The following TPD52 variants were observed in gnomAD, a reference collection of about 807,000 sequenced individuals.
TPD52 encodes tumor protein D52, also known as prostate and colon associated protein.
TPD52 carries 17 observed loss-of-function variants against 31.3 expected under a neutral mutation model. The observed-to-expected ratio is 0.54, with a 90% confidence interval of 0.37 to 0.82. TPD52 has a LOEUF of 0.82. Ranked by LOEUF, TPD52 falls within the 40% of genes least tolerant of loss-of-function variation. TPD52 has a pLI of 0.00. For missense variants in TPD52, 212 were observed against 240.1 expected (o/e 0.88, Z 0.77); for synonymous variants, 83 against 89.6 (o/e 0.93, Z 0.42).
chr8:80,135,692 T>C lies in TPD52; in HGVS notation c.19+35733A>G, dbSNP rs368861961. 4.0e-5 allele frequency among the ~76,000 whole-genome samples: 6 copies of C among 150,184 alleles called. No individual in the cohort carries two copies. In the East Asian group the frequency reaches 5.9e-4, roughly 15 times the overall value. ...AAAGACACATGCACACGTATGTTTA[T>C]TGCGGCATTATTCACAATAGTAAAG... On this transcript the variant is annotated intron_variant, in intron 1 of 7. Transcript: ENST00000518937.
chr8:80,099,700 G>A (rs189505178), intron 1 of TPD52, among the ~76,000 whole-genome samples: 4 of 152,094 alleles, frequency 2.6e-5, no homozygotes, highest in African/African-American at 4.8e-5. Context: ...TAGTAGAGAC[G>A]GGGTTTTACC....
chr8:80,086,665 A>G (rs1033351707), intron 1 of TPD52, among the ~76,000 whole-genome samples: 21 of 151,892 alleles, frequency 1.4e-4, no homozygotes, highest in South Asian at 6.2e-4. Context: ...CCTGACATCA[A>G]GAGTTCGAGA....
chr8:80,131,074 G>T (rs951531736), intron 1 of TPD52, among the ~76,000 whole-genome samples: 3 of 152,128 alleles, frequency 2.0e-5, no homozygotes, highest in African/African-American at 2.4e-5. Flanking sequence ...TTAGCTTCAG[G>T]AGTCAGTGAC....
intron 1 of TPD52, among the ~76,000 whole-genome samples, chr8:80,146,582 C>T (rs1472294535): frequency 6.6e-6 from 1 of 152,144 alleles, no homozygotes. Context: ...AAAAAGTGCA[C>T]ATGTTCATCA....
At position 80,171,494 on chromosome 8, in the gene TPD52, G is replaced by A; in HGVS notation, c.-51C>T. 6.5e-7 allele frequency: 1 copy of A among 1,531,414 alleles called. No individual in the cohort carries two copies. Among genetic ancestry groups the A allele is most frequent in the Non-Finnish European group, 8.7e-7 (1 of 1,152,620 alleles). 94.9% of individuals were successfully genotyped at this position (1,531,414 alleles called of 1,614,324 possible). On this transcript the variant is annotated 5_prime_UTR_variant, in exon 1 of 8. In the 5' UTR this introduces an upstream ATG that the reference lacks. Transcript: ENST00000518937. Reference sequence around the variant, plus strand: ...TCTGCAGCACCCCCGCCTGCAGCCCGTCCCGGCTCGGATCGCCCGCCGCGC... The same window carrying A: ...TCTGCAGCACCCCCGCCTGCAGCCCATCCCGGCTCGGATCGCCCGCCGCGC...
At chr8:80,071,288 T>G (rs1291705291) in intron 1 of TPD52, among the ~76,000 whole-genome samples, 3 of 152,176 alleles carry the variant, frequency 2.0e-5, no homozygotes, top group East Asian at 3.8e-4. Context: ...TTGGTTGATC[T>G]TCTTTAATCA....
At chr8:80,106,348 T>C (rs2130954904) in intron 1 of TPD52, among the ~76,000 whole-genome samples, 1 of 152,188 alleles carries the variant, frequency 6.6e-6, no homozygotes, top group Admixed American at 6.6e-5. Context: ...TTTATTGTTG[T>C]TGTTGTTGTG....
At chr8:80,166,443 G>C (rs1243236868) in intron 1 of TPD52, among the ~76,000 whole-genome samples, 2 of 151,596 alleles carry the variant, frequency 1.3e-5, no homozygotes, top group Non-Finnish European at 2.9e-5. Flanking sequence ...TGTTGGTCAG[G>C]CGGGTCTCCA....
intron 1 of TPD52, among the ~76,000 whole-genome samples, chr8:80,072,032 C>T (rs955531898): frequency 5.3e-5 from 8 of 152,206 alleles, no homozygotes; most frequent in East Asian, 1.9e-4. Flanking sequence ...AAATGTAGGC[C>T]GGGCGCGGTG....
At chr8:80,079,047 G>A (rs1814920791) in intron 1 of TPD52, among the ~76,000 whole-genome samples, 2 of 152,124 alleles carry the variant, frequency 1.3e-5, no homozygotes, top group South Asian at 4.2e-4. Context: ...GCTTCTCAAA[G>A]GTTCCCTCCC....
At chr8:80,138,095 C>T (rs1809563715) in intron 1 of TPD52, among the ~76,000 whole-genome samples, 2 of 152,148 alleles carry the variant, frequency 1.3e-5, no homozygotes, top group Admixed American at 6.5e-5. Flanking sequence ...AGACATGCGC[C>T]ACCACGCCCG....
rs1385643809 is a variant in TPD52 at position 80,133,780 on chromosome 8, A to C, written c.19+37645T>G. On this transcript the variant is annotated intron_variant, in intron 1 of 7. Transcript: ENST00000518937. ...TACCGCTGATGCTAAAAAAAAAAAA[A>C]AACAGAAAAGAAAAGAAAAAAATTG... Among the ~76,000 whole-genome samples, 4 of 151,928 alleles carry C rather than the reference A, an allele frequency of 2.6e-5. 1 individual carries two copies. The highest frequency in any genetic ancestry group is 9.7e-5 in the African/African-American group (4 of 41,380).
intron 1 of TPD52, among the ~76,000 whole-genome samples, chr8:80,128,590 G>A (rs1007647995): frequency 1.3e-4 from 20 of 151,456 alleles, no homozygotes; most frequent in South Asian, 8.4e-4. Context: ...GAGCCCACGA[G>A]GTCAGGGCTG....
intron 1 of TPD52, among the ~76,000 whole-genome samples, chr8:80,087,672 G>A (rs966712706): frequency 1.3e-5 from 2 of 152,168 alleles, no homozygotes; most frequent in Non-Finnish European, 2.9e-5. Flanking sequence ...AGAGCTGGAA[G>A]GGCTCTCTCC....
chr8:80,090,748 G>T (rs548419475), intron 1 of TPD52, among the ~76,000 whole-genome samples: 142 of 151,118 alleles, frequency 9.4e-4, no homozygotes, highest in African/African-American at 3.3e-3. Flanking sequence ...CTCTTCTCTA[G>T]AATAAAAAGG....
At chr8:80,110,658 G>A (rs955867438) in intron 1 of TPD52, among the ~76,000 whole-genome samples, 13 of 151,336 alleles carry the variant, frequency 8.6e-5, no homozygotes, top group Admixed American at 2.0e-4. Flanking sequence ...CTAGGGTAGG[G>A]TAGCTCTTGT....
chr8:80,124,880 CAG>C (rs1250595639), intron 1 of TPD52, among the ~76,000 whole-genome samples: 2 of 152,144 alleles, frequency 1.3e-5, no homozygotes, highest in South Asian at 2.1e-4. Context: ...GCAGAAAGTA[CAG>C]AGAGTTCCCA....
intron 1 of TPD52, among the ~76,000 whole-genome samples, chr8:80,103,125 T>C (rs942468414): frequency 2.0e-5 from 3 of 152,188 alleles, no homozygotes; most frequent in East Asian, 3.8e-4. Flanking sequence ...CCCTGAGTTC[T>C]GTGAACCACT....
rs769531607 is a variant in TPD52 at position 80,051,482 on chromosome 8, A to C, written c.386+45T>G. The C allele has an allele frequency of 4.0e-5, 62 of 1,554,268 alleles. No homozygotes were observed. In the Middle Eastern group the frequency reaches 1.0e-3, roughly 25 times the overall value. On this transcript the variant is annotated intron_variant, in intron 4 of 7. Transcript: ENST00000518937. ...ACAGATGCAACAACAATAACATTTTAATTTGCGTCAGCTACTTAATGAGCA... is the reference window on the plus strand; with the variant it reads ...ACAGATGCAACAACAATAACATTTTCATTTGCGTCAGCTACTTAATGAGCA...
Sources: gnomAD v4.1 joint callset for allele counts (sites outside exome capture counted in the v4.1 genomes callset) on GRCh38, gnomAD v4.1.1 for gene constraint, MANE v1.5 for transcripts, NCBI Gene and HGNC (gene_info 2026-07-23, HGNC 2026-07-21) for gene names.